MAGI2: variants seen among roughly 807,000 people sequenced by gnomAD.
MAGI2 encodes the protein membrane-associated guanylate kinase, WW and PDZ domain-containing protein 2.
MAGI2 carries 35 observed loss-of-function variants against 133.3 expected under a neutral mutation model. The observed-to-expected ratio is 0.26, with a 90% CI of 0.20 to 0.35. The LOEUF is 0.35. Among genes scored for constraint, MAGI2 ranks in the 10% least tolerant of loss-of-function variants. MAGI2 has a pLI of 1.00. For missense variants in MAGI2, 1,636 were observed against 1,863.4 expected (o/e 0.88, Z 2.25); for synonymous variants, 729 against 710.6 (o/e 1.03, Z -0.41).
intron 6 of MAGI2, among the ~76,000 whole-genome samples, chr7:78,440,951 C>T (rs919791547): frequency 2.0e-5 from 3 of 151,934 alleles, no homozygotes; most frequent in Admixed American, 2.0e-4. Context: ...GACTCCATCT[C>T]AAAAAATAAA....
chr7:78,201,378 A>G (rs570335740), intron 10 of MAGI2, among the ~76,000 whole-genome samples, 185 bp from the exon 11 acceptor site: 8 of 152,324 alleles, frequency 5.3e-5, no homozygotes, highest in Non-Finnish European at 1.2e-4. Flanking sequence ...TTGGAATTGT[A>G]TTAATGATTC....
chr7:78,417,524 T>C (rs1238633383), intron 6 of MAGI2, among the ~76,000 whole-genome samples: 4 of 152,166 alleles, frequency 2.6e-5, no homozygotes, highest in Non-Finnish European at 5.9e-5. Context: ...TATTCTACAA[T>C]ATACTATTTA....
intron 2 of MAGI2, among the ~76,000 whole-genome samples, chr7:78,977,319 A>G (rs1332679615): frequency 2.0e-5 from 3 of 151,546 alleles, no homozygotes; most frequent in East Asian, 3.9e-4. Flanking sequence ...GCAAAAAGGC[A>G]ATTCAATGAA....
intron 20 of MAGI2, among the ~76,000 whole-genome samples, chr7:78,109,040 C>T (rs1819022462): frequency 6.6e-6 from 1 of 151,454 alleles, no homozygotes; most frequent in Non-Finnish European, 1.5e-5. Flanking sequence ...CGCGGTGGCT[C>T]ATGCCTGTAA....
chr7:78,943,843 A>G (rs915224297), intron 2 of MAGI2, among the ~76,000 whole-genome samples: 2 of 152,130 alleles, frequency 1.3e-5, no homozygotes, highest in African/African-American at 4.8e-5. Context: ...TATTATCAAG[A>G]CTGACTTCAT....
chr7:78,961,981 C>T (rs2078428), intron 2 of MAGI2, among the ~76,000 whole-genome samples: 110,141 of 151,834 alleles, frequency 0.73, 40,303 homozygotes, highest in African/African-American at 0.82. Context: ...GTGAATACTC[C>T]AGGCAACTAT....
At chr7:78,544,198 A>G (rs879315324) in intron 3 of MAGI2, among the ~76,000 whole-genome samples, 3 of 152,248 alleles carry the variant, frequency 2.0e-5, no homozygotes, top group Non-Finnish European at 4.4e-5. Context: ...ACTACAAGTT[A>G]TTATCAACAG....
chr7:78,746,900 T>C (rs1822977151), intron 2 of MAGI2, among the ~76,000 whole-genome samples: 1 of 152,220 alleles, frequency 6.6e-6, no homozygotes, highest in African/African-American at 2.4e-5. Context: ...ATATCTAATT[T>C]TTCCTGATTA....
At chr7:78,326,251 C>A (rs1418239880) in intron 9 of MAGI2, among the ~76,000 whole-genome samples, 1 of 152,206 alleles carries the variant, frequency 6.6e-6, no homozygotes, top group African/African-American at 2.4e-5. Context: ...ACACAATATT[C>A]TCTGAACCTG....
intron 21 of MAGI2, among the ~76,000 whole-genome samples, chr7:78,067,815 T>C (rs1259984990): frequency 6.6e-6 from 1 of 152,212 alleles, no homozygotes; most frequent in African/African-American, 2.4e-5. Context: ...ATTGGGGCAA[T>C]GCTAACTTCG....
intron 6 of MAGI2, chr7:78,485,149 T>C (rs1454928001): frequency 1.3e-5 from 2 of 151,996 alleles, no homozygotes; most frequent in African/African-American, 4.8e-5. Flanking sequence ...AGAAATATGA[T>C]GGGGCTTTAT....
intron 6 of MAGI2, among the ~76,000 whole-genome samples, chr7:78,441,946 C>T (rs1417216047): frequency 6.6e-6 from 1 of 152,146 alleles, no homozygotes; most frequent in Non-Finnish European, 1.5e-5. Context: ...ATTTCCTTAA[C>T]CAGAGTAATT....
Position 78,118,696 on chromosome 7 carries a change from C to T in MAGI2, c.3567+6998G>A, listed in dbSNP as rs975091837. On this transcript the variant is annotated intron_variant, in intron 20 of 21. Transcript: ENST00000354212. ...GAATGGCCCAAATCCATAACAATGACGGAACCAAATGCTGATGAGGATATG... is the reference window on the plus strand; with the variant it reads ...GAATGGCCCAAATCCATAACAATGATGGAACCAAATGCTGATGAGGATATG... Among the ~76,000 whole-genome samples, 11 of 152,254 alleles carry T rather than the reference C, an allele frequency of 7.2e-5. 1 individual carries two copies. The South Asian group carries it at 1.2e-3, about 17-fold the overall frequency.
chr7:78,027,266 C>A (rs1363484209), intron 21 of MAGI2, among the ~76,000 whole-genome samples: 2 of 152,126 alleles, frequency 1.3e-5, no homozygotes, highest in South Asian at 4.1e-4. Flanking sequence ...GACTCTCAAA[C>A]GCCATTTGTG....
chr7:78,377,349 A>G (rs1309844947), intron 6 of MAGI2, among the ~76,000 whole-genome samples: 1 of 152,062 alleles, frequency 6.6e-6, no homozygotes, highest in African/African-American at 2.4e-5. Flanking sequence ...GTGTGAGGTA[A>G]GGTGGGAAAA....
intron 4 of MAGI2, among the ~76,000 whole-genome samples, chr7:78,507,783 A>C (rs1163862352): frequency 6.6e-6 from 1 of 152,218 alleles, no homozygotes; most frequent in East Asian, 1.9e-4. Context: ...CTGCATTATT[A>C]GAAACATTTA....
At chr7:79,261,976 G>C (rs909442478) in intron 1 of MAGI2, among the ~76,000 whole-genome samples, 1 of 152,078 alleles carries the variant, frequency 6.6e-6, no homozygotes, top group African/African-American at 2.4e-5. Flanking sequence ...ATCAACCACT[G>C]ACTACTTAAC....
At chr7:78,843,993 T>TCA (rs1554585003) in intron 2 of MAGI2, among the ~76,000 whole-genome samples, 1 of 146,930 alleles carries the variant, frequency 6.8e-6, no homozygotes, top group African/African-American at 2.5e-5. Flanking sequence ...TATATATTAT[T>TCA]TATATATATA....
At chr7:79,045,916 T>A (rs181329053) in intron 1 of MAGI2, among the ~76,000 whole-genome samples, 2 of 152,250 alleles carry the variant, frequency 1.3e-5, no homozygotes, top group East Asian at 1.9e-4. Context: ...TCTATACATA[T>A]GATAAAATAA....
Sources: gnomAD v4.1 joint callset for allele counts (sites outside exome capture counted in the v4.1 genomes callset) on GRCh38, gnomAD v4.1.1 for gene constraint, MANE v1.5 for transcripts, NCBI Gene and HGNC (gene_info 2026-07-23, HGNC 2026-07-21) for gene names.